The following HCRTR2 variants were observed in gnomAD, a reference collection of about 807,000 sequenced individuals.
HCRTR2 encodes the protein orexin receptor type 2.
In HCRTR2, 22 loss-of-function variants were observed where a neutral mutation model predicts 49.0. The ratio of observed to expected loss-of-function variants is 0.45; its 90% CI spans 0.32 to 0.64. The LOEUF (loss-of-function observed/expected upper bound fraction) is 0.64. HCRTR2 is among the 30% of genes least tolerant of loss of function. The pLI is 0.04. For synonymous variants in HCRTR2, 236 were observed against 205.3 expected, an observed-to-expected ratio of 1.15 and a Z score of -1.28; for missense variants, 491 against 559.4, an observed-to-expected ratio of 0.88 and a Z score of 1.23.
At chr6:55,117,763 C>T (rs1364500166) in intron 1 of HCRTR2, among the ~76,000 whole-genome samples, 2 of 132,516 alleles carry the variant, frequency 1.5e-5, no homozygotes, top group African/African-American at 2.8e-5. Context: ...CATGCTGCAC[C>T]TGCCCTTGGG....
chr6:55,251,441 A>T (rs1766548087), intron 2 of HCRTR2, among the ~76,000 whole-genome samples: 1 of 152,138 alleles, frequency 6.6e-6, no homozygotes, highest in Non-Finnish European at 1.5e-5. Context: ...ACATGTATTC[A>T]GCTATTTGCT....
At chr6:55,207,948 C>A (rs1037179069) in intron 1 of HCRTR2, among the ~76,000 whole-genome samples, 7 of 152,110 alleles carry the variant, frequency 4.6e-5, no homozygotes, top group Non-Finnish European at 1.0e-4. Context: ...GATCCTAGAA[C>A]AAATTTAGCT....
chr6:55,185,663 C>T (rs7775741), intron 1 of HCRTR2, among the ~76,000 whole-genome samples: 109,619 of 152,034 alleles, frequency 0.72, 40,156 homozygotes, highest in Non-Finnish European at 0.79. Context: ...CCTTGAGTTT[C>T]CCAAATTCAG....
chr6:55,174,624 C>T lies in HCRTR2; in HGVS notation c.37C>T (p.Arg13Cys). ...GTKLEDSPPC[R>C]NWSSASELNE... is the part of the protein sequence containing the mutation. ...CAAATTGGAGGACTCCCCCCCTTGT[C>T]GCAACTGGTCATCTGCTTCGGAGCT... is the stretch of plus-strand genomic sequence containing the variant. The change falls in exon 1 of 7, where the codon CGC (arginine) becomes TGC (cysteine). Residue 13 changes from arginine to cysteine, a missense_variant. Arg to Cys is a radical substitution (Grantham distance 180). Transcript: ENST00000370862. 1 of 1,614,002 alleles carries T rather than the reference C, an allele frequency of 6.2e-7. No individual in the cohort carries two copies.
At chr6:55,176,524 T>C (rs1765042515) in intron 1 of HCRTR2, among the ~76,000 whole-genome samples, 1 of 152,204 alleles carries the variant, frequency 6.6e-6, no homozygotes, top group African/African-American at 2.4e-5. Context: ...GATAAGTGAA[T>C]AATCAAAATT....
chr6:55,210,582 C>A (rs1041135848), intron 1 of HCRTR2, among the ~76,000 whole-genome samples: 2 of 152,064 alleles, frequency 1.3e-5, no homozygotes, highest in African/African-American at 4.8e-5. Context: ...ACAGGGAGAA[C>A]AAACATGGAG....
intron 1 of HCRTR2, among the ~76,000 whole-genome samples, chr6:55,238,320 C>T (rs1359012349): frequency 1.3e-5 from 2 of 152,106 alleles, no homozygotes. Flanking sequence ...TGGCATTCAC[C>T]TTTTTCCATT....
At chr6:55,130,502 G>A (rs914408727) in intron 1 of HCRTR2, among the ~76,000 whole-genome samples, 6 of 151,410 alleles carry the variant, frequency 4.0e-5, no homozygotes, top group Non-Finnish European at 7.4e-5. Flanking sequence ...TGTCACATGG[G>A]CTATGGGTTG....
At chr6:55,137,607 C>G (rs1021663738) in intron 1 of HCRTR2, among the ~76,000 whole-genome samples, 2 of 152,000 alleles carry the variant, frequency 1.3e-5, no homozygotes, top group African/African-American at 4.8e-5. Context: ...GGTAAATGAC[C>G]TGGACCAATT....
chr6:55,164,059 A>G lies in HCRTR2; in HGVS notation c.-377-10152A>G, dbSNP rs547561092. 1.2e-3 allele frequency among the ~76,000 whole-genome samples: 188 copies of G among 152,344 alleles called. 1 individual carries two copies. Among genetic ancestry groups the G allele is most frequent in the Middle Eastern group, 0.01 (3 of 294 alleles). On this transcript the variant is annotated intron_variant, in intron 1 of 7. Coordinates refer to the HCRTR2 transcript ENST00000615358. ...CACTGGTCATTGGAGAAATGCAAAT[A>G]AAAACCACAGTGAGATACCATCTCA...
chr6:55,127,872 T>C (rs574473182), intron 1 of HCRTR2, among the ~76,000 whole-genome samples: 4 of 152,312 alleles, frequency 2.6e-5, no homozygotes, highest in African/African-American at 9.6e-5. Flanking sequence ...TTTGTTAGAT[T>C]GTCTGTTTAC....
chr6:55,113,312 C>A lies in HCRTR2; in HGVS notation c.-378+6767C>A, dbSNP rs527589527. The stretch of plus-strand genomic sequence containing the variant: ...ATTAAACTAAAAAGCTATTACACAG[C>A]AAGAAAAATAATCAGCAGAGTGAAC... On this transcript the variant is annotated intron_variant, in intron 1 of 7. Coordinates refer to the HCRTR2 transcript ENST00000615358. Among the ~76,000 whole-genome samples, 5 of 152,050 alleles carry A rather than the reference C, an allele frequency of 3.3e-5. No individual in the cohort carries two copies. The East Asian group carries it at 7.7e-4, about 23-fold the overall frequency.
intron 4 of HCRTR2, among the ~76,000 whole-genome samples, chr6:55,277,090 A>G (rs1767090683): frequency 6.6e-6 from 1 of 152,126 alleles, no homozygotes; most frequent in East Asian, 1.9e-4. Flanking sequence ...TCCTTTCCCA[A>G]GCTTTGTTCT....
At chr6:55,263,653 T>A (rs1294135490) in intron 3 of HCRTR2, 54 bp from the exon 4 acceptor site, 9 of 919,990 alleles carry the variant, frequency 9.8e-6, no homozygotes, top group Non-Finnish European at 1.4e-5. Context: ...TGTATCTTTT[T>A]TAAAAGTCCA....
chr6:55,233,552 C>A (rs79723013), intron 1 of HCRTR2, among the ~76,000 whole-genome samples: 2,466 of 152,202 alleles, frequency 0.016, 70 homozygotes, highest in African/African-American at 0.056. Flanking sequence ...ATAACACTAG[C>A]CAGGCATGGT....
At chr6:55,170,624 TGCAC>T (rs1764935483), upstream of HCRTR2, among the ~76,000 whole-genome samples, 2 of 152,232 alleles carry the variant, frequency 1.3e-5, no homozygotes, top group Admixed American at 1.3e-4. Context: ...AGGGTACATG[TGCAC>T]AACGTGCAGG....
At chr6:55,215,386 G>A (rs1456279908) in intron 1 of HCRTR2, among the ~76,000 whole-genome samples, 6 of 152,110 alleles carry the variant, frequency 3.9e-5, no homozygotes. Flanking sequence ...CAAAAGCCAA[G>A]GGAATCCATC....
At chr6:55,254,511 G>A (rs1766612741) in intron 2 of HCRTR2, among the ~76,000 whole-genome samples, 1 of 152,078 alleles carries the variant, frequency 6.6e-6, no homozygotes, top group African/African-American at 2.4e-5. Context: ...GGCTAGCAGT[G>A]AGCAAACTGT....
chr6:55,154,228 T>C (rs527902169), intron 1 of HCRTR2, among the ~76,000 whole-genome samples: 12 of 152,036 alleles, frequency 7.9e-5, no homozygotes, highest in Admixed American at 2.6e-4. Flanking sequence ...TTCATTCTTA[T>C]ACTCTTCCAA....
Sources: gnomAD v4.1 joint callset for allele counts (sites outside exome capture counted in the v4.1 genomes callset) on GRCh38, gnomAD v4.1.1 for gene constraint, MANE v1.5 for transcripts, NCBI Gene and HGNC (gene_info 2026-07-23, HGNC 2026-07-21) for gene names.